DYM: variants seen among roughly 807,000 people sequenced by gnomAD.
DYM encodes dyggve-Melchior-Clausen syndrome protein.
In DYM, 78 loss-of-function variants were observed where a neutral mutation model predicts 93.1. That is an observed-to-expected ratio of 0.84 (90% CI 0.70 to 1.01). The LOEUF is 1.01. Among genes scored for constraint, DYM ranks in the 50% least tolerant of loss-of-function variants. The pLI is 0.00. For missense variants in DYM, 789 were observed against 845.0 expected (o/e 0.93, Z 0.82); for synonymous variants, 321 against 319.7 (o/e 1.00, Z -0.04).
chr18:49,225,690 C>A (rs1345838896), intron 13 of DYM, among the ~76,000 whole-genome samples: 1 of 151,990 alleles, frequency 6.6e-6, no homozygotes, highest in South Asian at 2.1e-4. Context: ...AAAATGTATA[C>A]CATCACTGGT....
At chr18:49,198,842 T>G (rs1396800797) in intron 14 of DYM, among the ~76,000 whole-genome samples, 1 of 151,762 alleles carries the variant, frequency 6.6e-6, no homozygotes, top group Non-Finnish European at 1.5e-5. Flanking sequence ...GATCTAGAAC[T>G]AGAAATACCA....
At chr18:49,410,466 C>T (rs1240367738) in intron 2 of DYM, among the ~76,000 whole-genome samples, 1 of 151,586 alleles carries the variant, frequency 6.6e-6, no homozygotes, top group Non-Finnish European at 1.5e-5. Context: ...ATAATATATA[C>T]TCTTAGAAGA....
intron 1 of DYM, among the ~76,000 whole-genome samples, chr18:49,439,967 G>C (rs1384536846): frequency 6.6e-6 from 1 of 151,170 alleles, no homozygotes; most frequent in Non-Finnish European, 1.5e-5. Context: ...ATACAATCAT[G>C]TCACTGTACT....
chr18:49,293,437 C>A (rs2060306426), intron 8 of DYM, among the ~76,000 whole-genome samples: 1 of 152,146 alleles, frequency 6.6e-6, no homozygotes, highest in Non-Finnish European at 1.5e-5. Context: ...ATTTACACTC[C>A]CACCAACAGT....
At chr18:49,232,013 A>G (rs2093709118) in intron 13 of DYM, among the ~76,000 whole-genome samples, 1 of 152,230 alleles carries the variant, frequency 6.6e-6, no homozygotes, top group Admixed American at 6.5e-5. Flanking sequence ...AATAATATTC[A>G]GTTATATATA....
At chr18:49,252,740 A>C (rs2094316515) in intron 13 of DYM, among the ~76,000 whole-genome samples, 1 of 152,248 alleles carries the variant, frequency 6.6e-6, no homozygotes, top group Non-Finnish European at 1.5e-5. Context: ...GAGAAGCCAG[A>C]GGAAACAGCC....
chr18:49,283,202 T>TA (rs1207372314), intron 9 of DYM, among the ~76,000 whole-genome samples: 1 of 152,148 alleles, frequency 6.6e-6, no homozygotes. Flanking sequence ...ATTTATCAAA[T>TA]ACAGTACTGA....
chr18:49,425,069 AG>A (rs1249754659), intron 2 of DYM, among the ~76,000 whole-genome samples: 1 of 152,216 alleles, frequency 6.6e-6, no homozygotes, highest in East Asian at 1.9e-4. Context: ...GAATCAAAAA[AG>A]AGCCCGCATT....
chr18:49,070,714 C>G (rs1334283733), intron 17 of DYM, among the ~76,000 whole-genome samples: 1 of 152,162 alleles, frequency 6.6e-6, no homozygotes, highest in African/African-American at 2.4e-5. Flanking sequence ...GAGTGCTGTG[C>G]AGGCAGGAGT....
At chr18:49,282,196 C>T (rs1268115442) in intron 9 of DYM, 21 bp from the exon 10 acceptor site, 3 of 1,605,932 alleles carry the variant, frequency 1.9e-6, no homozygotes, top group South Asian at 2.2e-5. Context: ...GAAAACAGCA[C>T]ATCAGTAATT....
chr18:49,220,678 G>T (rs1477800841), intron 13 of DYM, among the ~76,000 whole-genome samples: 1 of 152,138 alleles, frequency 6.6e-6, no homozygotes, highest in African/African-American at 2.4e-5. Flanking sequence ...TTAATAAATG[G>T]TGCTGGGAAA....
At chr18:49,232,679 G>A (rs1466780436) in intron 13 of DYM, among the ~76,000 whole-genome samples, 2 of 147,224 alleles carry the variant, frequency 1.4e-5, no homozygotes, top group East Asian at 2.0e-4. Flanking sequence ...CGAGATCTCG[G>A]CTCACTGCAA....
In DYM at chr18:49,352,096, C is replaced by T. The variant is rs137953590; in HGVS notation, c.494+11065G>A. Among the ~76,000 whole-genome samples, 23 of 152,302 alleles carry T rather than the reference C, an allele frequency of 1.5e-4. 1 individual carries two copies. Among genetic ancestry groups the T allele is most frequent in the African/African-American group, 4.6e-4 (19 of 41,564 alleles). Reference sequence around the variant, plus strand: ...AACTAGAATGAACCTTGAAAACATACTAAGTAAAACAATGCAAACACAAAA... The same window carrying T: ...AACTAGAATGAACCTTGAAAACATATTAAGTAAAACAATGCAAACACAAAA... On this transcript the variant is annotated intron_variant, in intron 6 of 17. Coordinates refer to ENST00000675505, the MANE Select transcript of DYM (RefSeq NM_001353214.3).
chr18:49,132,964 CAA>C (rs2083506095), intron 15 of DYM, among the ~76,000 whole-genome samples: 1 of 152,180 alleles, frequency 6.6e-6, no homozygotes, highest in Admixed American at 6.5e-5. Flanking sequence ...ACAATAGACA[CAA>C]ACACACAATT....
chr18:49,255,314 C>G (rs577405100), intron 13 of DYM, among the ~76,000 whole-genome samples: 2 of 152,046 alleles, frequency 1.3e-5, no homozygotes, highest in Non-Finnish European at 2.9e-5. Context: ...GGAGTTTGAG[C>G]TTTCAGTGAG....
At chr18:49,150,260 G>A (rs183852303) in intron 15 of DYM, among the ~76,000 whole-genome samples, 2 of 152,322 alleles carry the variant, frequency 1.3e-5, no homozygotes, top group East Asian at 1.9e-4. Context: ...GCTCAGTACT[G>A]TTTAGGCTTT....
At chr18:49,141,432 C>T (rs1339279922) in intron 15 of DYM, among the ~76,000 whole-genome samples, 1 of 152,184 alleles carries the variant, frequency 6.6e-6, no homozygotes, top group Non-Finnish European at 1.5e-5. Context: ...CATAGCCCTA[C>T]AATGACCTAT....
chr18:49,299,877 A>G (rs764112019), intron 8 of DYM, among the ~76,000 whole-genome samples: 1 of 151,414 alleles, frequency 6.6e-6, no homozygotes, highest in Non-Finnish European at 1.5e-5. Flanking sequence ...CCCCGTCTCT[A>G]CTGAAAATAC....
In DYM at chr18:49,175,736, C is replaced by T. The variant is rs114567614; in HGVS notation, c.1626-11949G>A. ...GACAACAGATGTGTCCATCAGTACACTAAGCACCACACATGTTCTAGTAGA... is the reference window on the plus strand; with the variant it reads ...GACAACAGATGTGTCCATCAGTACATTAAGCACCACACATGTTCTAGTAGA... On this transcript the variant is annotated intron_variant, in intron 14 of 17. Transcript: ENST00000675505. Among the ~76,000 whole-genome samples the T allele has an allele frequency of 3.0e-3, 459 of 152,278 alleles. 3 individuals are homozygous for T. Among genetic ancestry groups the T allele is most frequent in the African/African-American group, 0.01 (424 of 41,552 alleles).
Sources: allele counts gnomAD v4.1 joint callset (sites outside exome capture counted in the v4.1 genomes callset), GRCh38; gene constraint gnomAD v4.1.1; transcripts MANE v1.5; gene names NCBI Gene and HGNC (gene_info 2026-07-23, HGNC 2026-07-21).